The following FBLN7 variants were observed in gnomAD, a reference collection of about 807,000 sequenced individuals.
FBLN7 encodes fibulin 7.
In FBLN7, 31 loss-of-function variants were observed where a neutral mutation model predicts 44.0. The ratio of observed to expected loss-of-function variants is 0.70; its 90% CI spans 0.53 to 0.95. The LOEUF (loss-of-function observed/expected upper bound fraction) is 0.95, where lower values mean the gene tolerates loss of function less well. FBLN7 is among the 40% of genes least tolerant of loss of function. The pLI, the probability that FBLN7 is intolerant of heterozygous loss-of-function variation, is 0.00. For missense variants in FBLN7, 573 were observed against 618.5 expected (o/e 0.93, Z 0.78); for synonymous variants, 262 against 253.4 (o/e 1.03, Z -0.32).
chr2:112,233,433 A>C, the FBLN7 span: 1 of 1,101,476 alleles, frequency 9.1e-7, no homozygotes, highest in Non-Finnish European at 1.3e-6. Flanking sequence ...ATTATGATTT[A>C]ATTCCTACTA....
At chr2:112,225,703 C>G in the FBLN7 span, among the ~76,000 whole-genome samples, 1 of 151,916 alleles carries the variant, frequency 6.6e-6, no homozygotes, top group East Asian at 1.9e-4. Context: ...TGTAGTCCCA[C>G]CTACTCAGGA....
chr2:112,176,703 C>G (rs1438954739), intron 4 of FBLN7: 1 of 152,238 alleles, frequency 6.6e-6, no homozygotes, highest in Non-Finnish European at 1.5e-5. Flanking sequence ...GGCACTTTCT[C>G]AAAATGAGGC....
At chr2:112,140,652 A>G (rs142190614) in intron 1 of FBLN7, among the ~76,000 whole-genome samples, 1 of 152,288 alleles carries the variant, frequency 6.6e-6, no homozygotes, top group African/African-American at 2.4e-5. Context: ...CTGGGTCTCC[A>G]TGAGAGCTCC....
At chr2:112,160,746 G>GCGCACGCA (rs1386000666) in intron 2 of FBLN7, among the ~76,000 whole-genome samples, 1 of 86,214 alleles carries the variant, frequency 1.2e-5, no homozygotes, top group East Asian at 2.6e-4. Context: ...ACGCACACAC[G>GCGCACGCA]CGCACGCACA....
the FBLN7 span, among the ~76,000 whole-genome samples, chr2:112,225,822 C>T: frequency 6.6e-6 from 1 of 151,084 alleles, no homozygotes; most frequent in Non-Finnish European, 1.5e-5. Flanking sequence ...TGGCTCACGC[C>T]TGTAATCCCA....
chr2:112,164,615 G>C (rs1022364231), intron 2 of FBLN7, among the ~76,000 whole-genome samples: 1 of 152,222 alleles, frequency 6.6e-6, no homozygotes, highest in Non-Finnish European at 1.5e-5. Flanking sequence ...TCCCAGGCCT[G>C]GAGCTGGGGC....
chr2:112,161,645 T>C (rs1573794110), intron 2 of FBLN7, among the ~76,000 whole-genome samples: 2 of 152,238 alleles, frequency 1.3e-5, no homozygotes, highest in South Asian at 4.1e-4. Context: ...GGGAATGTTA[T>C]ACAATTCCCC....
chr2:112,160,644 AC>A, intron 2 of FBLN7, among the ~76,000 whole-genome samples: 1 of 3,488 alleles, frequency 2.9e-4, no homozygotes, highest in Non-Finnish European at 6.1e-4. Context: ...GTGCACACAC[AC>A]GCGCACGCAC....
At chr2:112,214,354 G>A in the FBLN7 span, 16,483 of 152,014 alleles carry the variant, frequency 0.11, 1,188 homozygotes, top group Non-Finnish European at 0.16. Flanking sequence ...CTTTAAAGAC[G>A]GTCAAGGATA....
the FBLN7 span, among the ~76,000 whole-genome samples, chr2:112,243,836 A>T: frequency 1.4e-4 from 21 of 152,162 alleles, no homozygotes; most frequent in Non-Finnish European, 2.5e-4. Context: ...TGAAAAACAG[A>T]TCCAGAAGAA....
chr2:112,213,275 A>T, the FBLN7 span: 1 of 152,060 alleles, frequency 6.6e-6, no homozygotes, highest in Non-Finnish European at 1.5e-5. Context: ...CGGCCTGAAG[A>T]AATCCTTGCA....
At chr2:112,233,408 T>G in the FBLN7 span, 2 of 1,336,008 alleles carry the variant, frequency 1.5e-6, no homozygotes, top group Non-Finnish European at 2.1e-6. Context: ...AGCCATTATT[T>G]CTCATAGTCA....
At chr2:112,154,593 G>A (rs1448018447) in intron 1 of FBLN7, among the ~76,000 whole-genome samples, 1 of 152,194 alleles carries the variant, frequency 6.6e-6, no homozygotes, top group Non-Finnish European at 1.5e-5. Context: ...CCTGAGATGG[G>A]AAAGCCTCAC....
the FBLN7 span, among the ~76,000 whole-genome samples, chr2:112,220,497 T>G: frequency 6.6e-6 from 1 of 152,168 alleles, no homozygotes; most frequent in Non-Finnish European, 1.5e-5. Context: ...CTTGTAGGGT[T>G]GCTGCTGATA....
the FBLN7 span, among the ~76,000 whole-genome samples, chr2:112,193,425 G>A: frequency 2.6e-5 from 4 of 152,160 alleles, no homozygotes; most frequent in Non-Finnish European, 5.9e-5. Context: ...AGGTGACAGA[G>A]CAAGACTCTG....
intron 6 of FBLN7, among the ~76,000 whole-genome samples, chr2:112,183,995 C>T (rs1184440498): frequency 6.6e-6 from 1 of 152,208 alleles, no homozygotes; most frequent in Non-Finnish European, 1.5e-5. Context: ...AGGGAAAATA[C>T]AGATGTCAGT....
chr2:112,189,298 C>CT (rs1408517160), downstream of FBLN7: 2 of 152,244 alleles, frequency 1.3e-5, no homozygotes, highest in Non-Finnish European at 2.9e-5. Flanking sequence ...ATCAAACCTG[C>CT]TTCCCACTGA....
At chr2:112,142,441 A>G (rs545566594) in intron 1 of FBLN7, among the ~76,000 whole-genome samples, 1 of 152,236 alleles carries the variant, frequency 6.6e-6, no homozygotes, top group East Asian at 1.9e-4. Flanking sequence ...CCTGGCCTTA[A>G]AGCAGTGTGA....
the FBLN7 span, among the ~76,000 whole-genome samples, chr2:112,217,525 G>A: frequency 6.6e-6 from 1 of 152,180 alleles, no homozygotes; most frequent in African/African-American, 2.4e-5. Context: ...GGTGCTTTAT[G>A]CATGTATAAT....
Sources: allele counts gnomAD v4.1 joint callset (sites outside exome capture counted in the v4.1 genomes callset), GRCh38; gene constraint gnomAD v4.1.1; transcripts MANE v1.5; gene names NCBI Gene and HGNC (gene_info 2026-07-23, HGNC 2026-07-21).